The following NOTCH1 variants were observed in gnomAD, a reference collection of about 807,000 sequenced individuals.
NOTCH1 encodes the protein neurogenic locus notch homolog protein 1.
NOTCH1 carries 37 observed loss-of-function variants against 254.8 expected under a neutral mutation model. The ratio of observed to expected loss-of-function variants is 0.15; its 90% CI spans 0.11 to 0.19. NOTCH1 has a LOEUF of 0.19. NOTCH1 is among the 10% of genes least tolerant of loss of function. NOTCH1 has a pLI of 1.00. For synonymous variants in NOTCH1, 1,731 were observed against 1,618.1 expected (o/e 1.07, Z -1.68); for missense variants, 2,972 against 3,708.6 (o/e 0.80, Z 5.16).
intron 2 of NOTCH1, among the ~76,000 whole-genome samples, chr9:136,531,545 C>T (rs1216677235): frequency 2.0e-5 from 3 of 152,222 alleles, no homozygotes; most frequent in South Asian, 2.1e-4. Context: ...ACAGCTCCAC[C>T]GAAACACAAA....
intron 3 of NOTCH1, 22 bp downstream of exon 3, chr9:136,523,695 C>T (rs1843412923): frequency 6.3e-7 from 1 of 1,589,092 alleles, no homozygotes. Flanking sequence ...GCCCACCCCT[C>T]AGGCTGTGGG....
chr9:136,519,293 C>T (rs1589069386), intron 5 of NOTCH1, 150 bp downstream of exon 5: 1 of 1,134,704 alleles, frequency 8.8e-7, no homozygotes, highest in Non-Finnish European at 1.3e-6. Flanking sequence ...GAAGTGGGGC[C>T]CCCATCATGT....
rs2133362878 is a variant in NOTCH1, at chr9:136,515,398, G to A, written c.1906C>T (p.Pro636Ser). ...LCFCLKGTTG[P>S]NCEINLDDCA... ...TCATCCAGGTTGATCTCGCAGTTGG[G>A]TCCTGAAGGGGTGGCACGTGTCGGT... Residue 636 changes from proline (P) to serine (S), a missense_variant and splice_region_variant, in exon 12 of 34, where the codon CCC (proline) becomes TCC (serine). Physicochemically the swap from Pro to Ser is moderately conservative, Grantham distance 74. Around this residue, in one of 8 missense-constraint regions of NOTCH1, gnomAD observed 1,343 missense variants for 1,557.0 expected, o/e 0.86. Transcript: ENST00000651671. 1 of 1,612,922 alleles carries A rather than the reference G, an allele frequency of 6.2e-7. No individual in the cohort carries two copies.
At chr9:136,503,619 G>A (rs1421504220) in intron 26 of NOTCH1, among the ~76,000 whole-genome samples, 4 of 152,162 alleles carry the variant, frequency 2.6e-5, no homozygotes, top group East Asian at 1.9e-4. Flanking sequence ...CCACAGACAC[G>A]TTTCCTCATC....
chr9:136,495,142 C>A lies in NOTCH1; in HGVS notation c.*929G>T. 1 of 399,112 alleles carries A rather than the reference C, an allele frequency of 2.5e-6. No homozygotes were observed. Among genetic ancestry groups the A allele is most frequent in the Non-Finnish European group, 4.4e-6 (1 of 226,094 alleles). The allele number at this position is 399,112 out of a possible 1,614,324, so 24.7% of individuals were successfully genotyped here. A position where few individuals can be genotyped will look rare whatever the true frequency, so the allele number is the denominator to read the frequency against. On this transcript the variant is annotated 3_prime_UTR_variant, in exon 34 of 34. Coordinates refer to ENST00000651671, the MANE Select transcript of NOTCH1 (RefSeq NM_017617.5). ...GCAGGCTGAGGTGCTGGGGCCGCCACCGGGGTCAGCCCAGGCAGTGTCTTT... is the reference window on the plus strand; with the variant it reads ...GCAGGCTGAGGTGCTGGGGCCGCCAACGGGGTCAGCCCAGGCAGTGTCTTT...
In NOTCH1 at chr9:136,540,306, G is replaced by A. The variant is rs1208884088; in HGVS notation, c.140+3718C>T. Reference sequence around the variant, plus strand: ...GAGCAGAACGCAGCACACAGCAGGCGCTCAAACGTGTCTGTGAACTGGAGC... The same window carrying A: ...GAGCAGAACGCAGCACACAGCAGGCACTCAAACGTGTCTGTGAACTGGAGC... On this transcript the variant is annotated intron_variant, in intron 2 of 33. Transcript: ENST00000651671. The surrounding 1 kb of genome is among the most constrained non-coding windows in gnomAD (Gnocchi z 4.4). Among the ~76,000 whole-genome samples, 1 of 152,086 alleles carries A rather than the reference G, an allele frequency of 6.6e-6. No homozygotes were observed. The highest frequency in any genetic ancestry group is 2.1e-4 in the South Asian group (1 of 4,828).
intron 19 of NOTCH1, 148 bp from the exon 20 acceptor site, chr9:136,508,533 C>T: frequency 8.6e-7 from 1 of 1,166,610 alleles, no homozygotes; most frequent in Non-Finnish European, 1.2e-6. Context: ...CTCCCCACCA[C>T]CCCCACACCA....
At chr9:136,502,806 C>T (rs1843020081) in intron 27 of NOTCH1, 2 of 564,552 alleles carry the variant, frequency 3.5e-6, no homozygotes, top group South Asian at 2.0e-5. Context: ...GAGGGATTTT[C>T]AAGATACAAA....
In NOTCH1 at chr9:136,496,367, G is replaced by A. The variant is rs752802795; in HGVS notation, c.7372C>T (p.Pro2458Ser). Residue 2458 changes from proline to serine, a missense_variant, in exon 34 of 34, where the codon CCC becomes TCC. Physicochemically the swap from Pro to Ser is moderately conservative, Grantham distance 74. Coordinates refer to ENST00000651671, the MANE Select transcript of NOTCH1 (RefSeq NM_017617.5). Reference sequence around the variant, plus strand: ...GTGGGCAGGGCGGGGCTCTCCTGGGGCAGAATAGTGTGCACCGCCAGGCTG... The same window carrying A: ...GTGGGCAGGGCGGGGCTCTCCTGGGACAGAATAGTGTGCACCGCCAGGCTG... ...PSSLAVHTILPQESPALPTSL... is the reference protein window; with the variant it reads ...PSSLAVHTILSQESPALPTSL... The A allele has an allele frequency of 6.3e-7, 1 of 1,594,478 alleles. No individual in the cohort carries two copies.
intron 26 of NOTCH1, 144 bp downstream of exon 26, chr9:136,504,529 G>T: frequency 1.1e-6 from 1 of 926,510 alleles, no homozygotes; most frequent in Non-Finnish European, 1.6e-6. Context: ...TGAAGTCCCA[G>T]GTCCTCTCGG....
chr9:136,501,532 G>A (rs1842995289), intron 30 of NOTCH1, among the ~76,000 whole-genome samples: 1 of 152,156 alleles, frequency 6.6e-6, no homozygotes, highest in Non-Finnish European at 1.5e-5. Context: ...GGACAGAGTG[G>A]CCCTGCGGTA....
chr9:136,521,602 C>T (rs1172392622), intron 4 of NOTCH1, among the ~76,000 whole-genome samples: 1 of 152,152 alleles, frequency 6.6e-6, no homozygotes, highest in African/African-American at 2.4e-5. Flanking sequence ...AGGTAGGGTC[C>T]CGTGCTGCTA....
intron 2 of NOTCH1, among the ~76,000 whole-genome samples, chr9:136,530,804 C>T (rs1456295075): frequency 6.6e-6 from 1 of 152,244 alleles, no homozygotes. Flanking sequence ...GAAGACCCAG[C>T]CCAGCCCTGC....
chr9:136,545,046 GC>G lies in NOTCH1; in HGVS notation c.61+679del, dbSNP rs1233037256. ...CTGTGCGGCGGGGAGAAATGTAAGA[GC>G]CCCCCACCCGCGTCCCGCTCTCCGC... On this transcript the variant is annotated intron_variant, in intron 1 of 33. Transcript: ENST00000651671. This position sits in a 1 kb window ranked among gnomAD's most constrained non-coding sequence, Gnocchi z 6.8. 3.3e-5 allele frequency among the ~76,000 whole-genome samples: 5 copies of G among 152,088 alleles called. No homozygotes were observed. The highest frequency in any genetic ancestry group is 7.4e-5 in the Non-Finnish European group (5 of 68,004).
chr9:136,518,882 C>T, intron 5 of NOTCH1, 58 bp from the exon 6 acceptor site: 2 of 1,501,096 alleles, frequency 1.3e-6, no homozygotes, highest in South Asian at 1.1e-5. Flanking sequence ...GCTCCCTGTC[C>T]CCTAAGACGC....
At position 136,523,670 on chromosome 9, in the gene NOTCH1, G is replaced by A. The variant is rs749723949; in HGVS notation, c.403+47C>T. ...ACCTCAAGTTGCCTGGGCAGCTGGC[G>A]GCGGGCCTGGGTCTGCCCACCCCTC... On this transcript the variant is annotated intron_variant, in intron 3 of 33. Transcript: ENST00000651671. The A allele has an allele frequency of 2.5e-5, 39 of 1,562,732 alleles. No individual in the cohort carries two copies. In the Admixed American group the frequency reaches 3.0e-4, roughly 12 times the overall value.
rs61751538 is a variant in NOTCH1 at position 136,503,276 on chromosome 9, C to G, written c.5073G>C (p.Gln1691His). 1.2e-6 allele frequency: 2 copies of G among 1,612,908 alleles called. No homozygotes were observed. Among genetic ancestry groups the G allele is most frequent in the Non-Finnish European group, 1.7e-6 (2 of 1,179,980 alleles). ...DNRQCVQASS[Q>H]CFQSATDVAA... is the part of the protein sequence containing the mutation. ...CCACGTCGGTGGCACTCTGGAAGCA[C>G]TGCGAGGAGGCCTGCACACACTGCC... The change falls in exon 27 of 34, where the codon CAG becomes CAC. Residue 1691 changes from glutamine (Q) to histidine (H), a missense_variant. Gln to His is a conservative substitution (Grantham distance 24). Coordinates refer to ENST00000651671, the MANE Select transcript of NOTCH1 (RefSeq NM_017617.5).
rs1375787904 is a variant in NOTCH1, at chr9:136,513,957, G to A, written c.2208-420C>T. The stretch of plus-strand genomic sequence containing the variant: ...ACTCCAGCCTGGACAACAGAGCAAG[G>A]CTCTGTCTCAAAATAAAGAAAAAAG... On this transcript the variant is annotated intron_variant, in intron 13 of 33. Transcript: ENST00000651671. The surrounding 1 kb of genome is among the most constrained non-coding windows in gnomAD (Gnocchi z 4.7). Among the ~76,000 whole-genome samples the A allele has an allele frequency of 6.6e-6, 1 of 152,130 alleles. No individual in the cohort carries two copies. The highest frequency in any genetic ancestry group is 1.5e-5 in the Non-Finnish European group (1 of 68,034).
At chr9:136,524,589 G>A (rs1037056589) in intron 2 of NOTCH1, among the ~76,000 whole-genome samples, 1 of 152,052 alleles carries the variant, frequency 6.6e-6, no homozygotes, top group African/African-American at 2.4e-5. Context: ...TGGCAGCCAC[G>A]GAAAGTGTGG....
Sources: gnomAD v4.1 joint callset for allele counts (sites outside exome capture counted in the v4.1 genomes callset) on GRCh38, gnomAD v4.1.1 for gene constraint, gnomAD v4.1.1 regional missense constraint, Gnocchi (gnomAD v3.1) non-coding constraint, MANE v1.5 for transcripts, NCBI Gene and HGNC (gene_info 2026-07-23, HGNC 2026-07-21) for gene names.